KCNH7: variants seen among roughly 807,000 people sequenced by gnomAD.
The protein encoded by KCNH7 is voltage-gated inwardly rectifying potassium channel KCNH7.
KCNH7 carries 49 observed loss-of-function variants against 120.8 expected under a neutral mutation model. The observed-to-expected ratio is 0.41, with a 90% CI of 0.32 to 0.51. KCNH7 has a LOEUF of 0.51. Among genes scored for constraint, KCNH7 ranks in the 20% least tolerant of loss-of-function variants. The pLI, the probability that KCNH7 is intolerant of heterozygous loss-of-function variation, is 0.38. For synonymous variants in KCNH7, 547 were observed against 516.1 expected (o/e 1.06, Z -0.81); for missense variants, 1,097 against 1,446.6 (o/e 0.76, Z 3.92).
chr2:162,695,464 G>T (rs1252232836), intron 2 of KCNH7, among the ~76,000 whole-genome samples: 4 of 152,020 alleles, frequency 2.6e-5, no homozygotes, highest in Non-Finnish European at 1.5e-5. Context: ...ATATTTCTGT[G>T]AACTCCAAAA....
chr2:162,567,826 T>C (rs1418543805), intron 2 of KCNH7, among the ~76,000 whole-genome samples: 1 of 152,032 alleles, frequency 6.6e-6, no homozygotes, highest in East Asian at 1.9e-4. Context: ...AATGTTTCCA[T>C]CAATGAAAGA....
chr2:162,646,488 T>G (rs1456743473), intron 2 of KCNH7, among the ~76,000 whole-genome samples: 2 of 152,226 alleles, frequency 1.3e-5, no homozygotes, highest in Admixed American at 6.5e-5. Flanking sequence ...ACCACTCTTG[T>G]GATTGTGTTA....
At chr2:162,548,190 G>T (rs2105851009) in intron 2 of KCNH7, among the ~76,000 whole-genome samples, 1 of 152,218 alleles carries the variant, frequency 6.6e-6, no homozygotes, top group Admixed American at 6.5e-5. Flanking sequence ...ATTCCAGTTG[G>T]CAGTGTCATG....
chr2:162,562,610 G>C (rs568504837), intron 2 of KCNH7, among the ~76,000 whole-genome samples: 1 of 152,222 alleles, frequency 6.6e-6, no homozygotes, highest in Non-Finnish European at 1.5e-5. Flanking sequence ...AGGTGAACTT[G>C]CCTCTCACTG....
At chr2:162,446,547 A>G (rs1688586532) in intron 6 of KCNH7, 104 bp from the exon 7 acceptor site, 1 of 802,400 alleles carries the variant, frequency 1.2e-6, no homozygotes, top group South Asian at 2.0e-5. Context: ...AATTTATTAG[A>G]GAGAATTCAT....
chr2:162,518,247 C>T (rs1026029480), intron 3 of KCNH7, 89 bp from the exon 4 acceptor site: 78 of 959,370 alleles, frequency 8.1e-5, no homozygotes, highest in Non-Finnish European at 1.2e-4. Flanking sequence ...TATTTAAACA[C>T]CATGTAAAAA....
chr2:162,819,497 T>C (rs1685029612), intron 2 of KCNH7, among the ~76,000 whole-genome samples: 1 of 152,206 alleles, frequency 6.6e-6, no homozygotes, highest in South Asian at 2.1e-4. Flanking sequence ...CATTGTAATA[T>C]GTTTGCAACT....
intron 2 of KCNH7, among the ~76,000 whole-genome samples, chr2:162,600,929 A>G (rs1245261520): frequency 6.6e-6 from 1 of 152,108 alleles, no homozygotes; most frequent in Non-Finnish European, 1.5e-5. Flanking sequence ...AGGACATTCC[A>G]TGGAGTAGTG....
At chr2:162,603,055 T>G (rs969177129) in intron 2 of KCNH7, among the ~76,000 whole-genome samples, 1 of 151,716 alleles carries the variant, frequency 6.6e-6, no homozygotes, top group Non-Finnish European at 1.5e-5. Context: ...ACTGAGGAGA[T>G]ACTTTCAGAA....
intron 7 of KCNH7, among the ~76,000 whole-genome samples, chr2:162,438,001 T>C (rs1379232894): frequency 3.3e-5 from 5 of 152,160 alleles, no homozygotes; most frequent in African/African-American, 9.6e-5. Flanking sequence ...TGTTTATTTT[T>C]CCTCTTAATT....
intron 2 of KCNH7, among the ~76,000 whole-genome samples, chr2:162,773,254 G>A (rs60830377): frequency 0.03 from 4,628 of 152,230 alleles, 230 homozygotes; most frequent in African/African-American, 0.1. Flanking sequence ...TTGGGAGGCC[G>A]AGGCAGGCTG....
At chr2:162,540,932 A>G (rs1296587291) in intron 2 of KCNH7, among the ~76,000 whole-genome samples, 1 of 151,990 alleles carries the variant, frequency 6.6e-6, no homozygotes, top group Non-Finnish European at 1.5e-5. Flanking sequence ...GGTGGTAATG[A>G]GGGGTCTGTT....
chr2:162,446,824 A>G lies in KCNH7; in HGVS notation c.1129-381T>C, dbSNP rs1367226356. ...TATTAGTAATGCAGTTTTCAAATCT[A>G]GGAAAGGATTAGTTGTTATGAATAG... On this transcript the variant is annotated intron_variant, in intron 6 of 15. Coordinates refer to ENST00000332142, the MANE Select transcript of KCNH7 (RefSeq NM_033272.4). 2.0e-5 allele frequency among the ~76,000 whole-genome samples: 3 copies of G among 152,134 alleles called. No homozygotes were observed. In the East Asian group the frequency reaches 5.8e-4, roughly 29 times the overall value.
chr2:162,479,115 T>A (rs1207933269), intron 6 of KCNH7, among the ~76,000 whole-genome samples: 1 of 150,014 alleles, frequency 6.7e-6, no homozygotes, highest in Non-Finnish European at 1.5e-5. Flanking sequence ...ATTCTACCTC[T>A]GACTGATAGA....
intron 5 of KCNH7, among the ~76,000 whole-genome samples, chr2:162,505,683 G>A (rs1690851102): frequency 1.3e-5 from 2 of 151,960 alleles, no homozygotes; most frequent in African/African-American, 2.4e-5. Context: ...ATTAACAACA[G>A]GGAGAATTTT....
intron 2 of KCNH7, among the ~76,000 whole-genome samples, chr2:162,744,397 A>C (rs1688239735): frequency 6.6e-6 from 1 of 151,986 alleles, no homozygotes; most frequent in Non-Finnish European, 1.5e-5. Flanking sequence ...CTTTTCCCTC[A>C]TGGTTCTGTT....
chr2:162,452,672 A>G (rs200270863), intron 6 of KCNH7, among the ~76,000 whole-genome samples: 1 of 152,098 alleles, frequency 6.6e-6, no homozygotes, highest in African/African-American at 2.4e-5. Flanking sequence ...AGATTAAAAT[A>G]CAGCCACATT....
At chr2:162,582,260 C>T (rs74375831) in intron 2 of KCNH7, among the ~76,000 whole-genome samples, 3 of 151,948 alleles carry the variant, frequency 2.0e-5, no homozygotes, top group South Asian at 2.1e-4. Flanking sequence ...TAATCACAAC[C>T]GGCTATTCTT....
intron 6 of KCNH7, among the ~76,000 whole-genome samples, chr2:162,484,317 G>A (rs1430185408): frequency 3.3e-5 from 5 of 151,830 alleles, no homozygotes; most frequent in Non-Finnish European, 1.5e-5. Context: ...AAGCGAGTTC[G>A]TTGAATCTGG....
Sources: gnomAD v4.1 joint callset for allele counts (sites outside exome capture counted in the v4.1 genomes callset) on GRCh38, gnomAD v4.1.1 for gene constraint, MANE v1.5 for transcripts, NCBI Gene and HGNC (gene_info 2026-07-23, HGNC 2026-07-21) for gene names.